The following UBAC2 variants were observed in gnomAD, a reference collection of about 807,000 sequenced individuals.
UBAC2 encodes ubiquitin-associated domain-containing protein 2.
UBAC2 carries 26 observed loss-of-function variants against 44.0 expected under a neutral mutation model. That is an observed-to-expected ratio of 0.59 (90% CI 0.43 to 0.82). The LOEUF (loss-of-function observed/expected upper bound fraction) is 0.82, where lower values mean the gene tolerates loss of function less well. Ranked by LOEUF, UBAC2 falls within the 40% of genes least tolerant of loss-of-function variation. UBAC2 has a pLI of 0.00. For missense variants in UBAC2, 329 were observed against 419.4 expected (o/e 0.78, Z 1.88); for synonymous variants, 155 against 154.3 (o/e 1.00, Z -0.04).
At chr13:99,265,503 T>C (rs1452028806) in intron 4 of UBAC2, among the ~76,000 whole-genome samples, 1 of 152,264 alleles carries the variant, frequency 6.6e-6, no homozygotes, top group East Asian at 1.9e-4. Context: ...TTACAGGTTT[T>C]AGAACTGGAG....
intron 7 of UBAC2, among the ~76,000 whole-genome samples, chr13:99,346,718 G>A (rs2044988539): frequency 6.6e-6 from 1 of 152,020 alleles, no homozygotes. Context: ...CCAGCTTCCT[G>A]GGGGGCTCCC....
chr13:99,215,030 C>A (rs1201641448), intron 1 of UBAC2, among the ~76,000 whole-genome samples: 1 of 150,416 alleles, frequency 6.6e-6, no homozygotes, highest in African/African-American at 2.4e-5. Context: ...TTGAGCTTAT[C>A]CACCACAGTG....
At chr13:99,286,809 GA>G (rs930512969) in intron 4 of UBAC2, among the ~76,000 whole-genome samples, 3 of 152,194 alleles carry the variant, frequency 2.0e-5, no homozygotes, top group Non-Finnish European at 2.9e-5. Context: ...GGTCTGCTGA[GA>G]CTCCCCTCAC....
At chr13:99,340,700 A>T in intron 7 of UBAC2, 135 bp downstream of exon 7, 1 of 1,009,518 alleles carries the variant, frequency 9.9e-7, no homozygotes, top group South Asian at 1.7e-5. Flanking sequence ...ATTTCCAAAG[A>T]GATTGTAGGT....
At chr13:99,215,007 G>A (rs1454444091) in intron 1 of UBAC2, among the ~76,000 whole-genome samples, 1 of 151,514 alleles carries the variant, frequency 6.6e-6, no homozygotes, top group Non-Finnish European at 1.5e-5. Flanking sequence ...TTTCTTGGGG[G>A]ATATGACCTT....
At chr13:99,316,807 A>T (rs2044498270) in intron 5 of UBAC2, among the ~76,000 whole-genome samples, 1 of 152,236 alleles carries the variant, frequency 6.6e-6, no homozygotes, top group African/African-American at 2.4e-5. Context: ...AGTCCTGGAT[A>T]CACTCCAGCC....
intron 7 of UBAC2, among the ~76,000 whole-genome samples, chr13:99,361,709 G>A (rs557898942): frequency 1.4e-4 from 21 of 152,070 alleles, no homozygotes; most frequent in Admixed American, 5.9e-4. Flanking sequence ...ACTAAATGCC[G>A]ACAGCACCAC....
At chr13:99,310,913 C>T (rs1207584270) in intron 4 of UBAC2, among the ~76,000 whole-genome samples, 4 of 152,160 alleles carry the variant, frequency 2.6e-5, no homozygotes, top group Non-Finnish European at 5.9e-5. Context: ...ACCTCTGGTG[C>T]GATTGGCTCC....
chr13:99,200,956 G>A lies in UBAC2; in HGVS notation c.31+17G>A, dbSNP rs751124248. On this transcript the variant is annotated intron_variant, in intron 1 of 8. Transcript: ENST00000403766. Reference sequence around the variant, plus strand: ...GTGGGCTCTGTGAGTACCGGCCTCCGCCATCCTGGCTGCCCCCTACACGCC... The same window carrying A: ...GTGGGCTCTGTGAGTACCGGCCTCCACCATCCTGGCTGCCCCCTACACGCC... The A allele has an allele frequency of 4.6e-6, 6 of 1,303,432 alleles. No homozygotes were observed. In the Admixed American group the frequency reaches 1.3e-4, roughly 28 times the overall value. 80.7% of individuals were successfully genotyped at this position (1,303,432 alleles called of 1,614,324 possible). A position where few individuals can be genotyped will look rare whatever the true frequency, so the allele number is the denominator to read the frequency against.
At chr13:99,369,264 T>G (rs4636771) in intron 8 of UBAC2, among the ~76,000 whole-genome samples, 127,607 of 152,164 alleles carry the variant, frequency 0.84, 53,804 homozygotes, top group Middle Eastern at 0.94. Context: ...GACCTATAAT[T>G]GTCGAACTTT....
At chr13:99,227,649 A>G (rs2043125837) in intron 1 of UBAC2, among the ~76,000 whole-genome samples, 1 of 152,128 alleles carries the variant, frequency 6.6e-6, no homozygotes, top group African/African-American at 2.4e-5. Context: ...ATCTGACATA[A>G]TGTATATCTA....
At chr13:99,348,586 A>T (rs9585037) in intron 7 of UBAC2, among the ~76,000 whole-genome samples, 28,621 of 152,270 alleles carry the variant, frequency 0.19, 2,845 homozygotes, top group Middle Eastern at 0.23. Flanking sequence ...CGGGTCTTCT[A>T]CCAAACTAAG....
At chr13:99,379,499 T>C (rs1438824083) in intron 8 of UBAC2, among the ~76,000 whole-genome samples, 2 of 152,254 alleles carry the variant, frequency 1.3e-5, no homozygotes, top group African/African-American at 4.8e-5. Flanking sequence ...TCATAGTTCC[T>C]TTTCATTTTC....
intron 4 of UBAC2, among the ~76,000 whole-genome samples, chr13:99,276,850 G>A (rs1488728237): frequency 6.6e-6 from 1 of 152,210 alleles, no homozygotes; most frequent in African/African-American, 2.4e-5. Context: ...TTTTTTGGGA[G>A]CCAAACACCA....
intron 5 of UBAC2, among the ~76,000 whole-genome samples, chr13:99,316,263 C>G (rs543158361): frequency 3.4e-4 from 51 of 152,092 alleles, no homozygotes; most frequent in African/African-American, 1.1e-3. Flanking sequence ...TGTCAACTCC[C>G]CCTGTGCCCA....
chr13:99,383,832 C>T (rs2045583259), intron 8 of UBAC2, among the ~76,000 whole-genome samples: 1 of 152,262 alleles, frequency 6.6e-6, no homozygotes, highest in African/African-American at 2.4e-5. Flanking sequence ...TTCCCTAAGG[C>T]TTTTGGGGGA....
chr13:99,221,684 G>A (rs1255309778), intron 1 of UBAC2, among the ~76,000 whole-genome samples: 1 of 152,152 alleles, frequency 6.6e-6, no homozygotes, highest in Non-Finnish European at 1.5e-5. Context: ...ATGCTGCCCT[G>A]TTCCACCTGG....
chr13:99,333,315 T>C (rs2044743047), intron 6 of UBAC2, among the ~76,000 whole-genome samples: 1 of 152,270 alleles, frequency 6.6e-6, no homozygotes, highest in South Asian at 2.1e-4. Context: ...AGTAGCACTT[T>C]ATTTGACAAC....
intron 4 of UBAC2, among the ~76,000 whole-genome samples, chr13:99,298,312 T>A (rs928778057): frequency 6.6e-6 from 1 of 152,168 alleles, no homozygotes; most frequent in African/African-American, 2.4e-5. Context: ...ATCACATTGC[T>A]TGACTACAGT....
Sources: gnomAD v4.1 joint callset for allele counts (sites outside exome capture counted in the v4.1 genomes callset) on GRCh38, gnomAD v4.1.1 for gene constraint, MANE v1.5 for transcripts, NCBI Gene and HGNC (gene_info 2026-07-23, HGNC 2026-07-21) for gene names.